GPC6: variants seen among roughly 807,000 people sequenced by gnomAD.
The protein encoded by GPC6 is glypican 6.
A neutral mutation model predicts 55.2 loss-of-function variants in GPC6; 14 were observed. That is an observed-to-expected ratio of 0.25 (90% CI 0.17 to 0.40). The LOEUF is 0.40. Ranked by LOEUF, GPC6 falls within the 10% of genes least tolerant of loss-of-function variation. GPC6 has a pLI of 1.00. For missense variants in GPC6, 641 were observed against 708.5 expected, an observed-to-expected ratio of 0.90 and a Z score of 1.08; for synonymous variants, 278 against 259.6, an observed-to-expected ratio of 1.07 and a Z score of -0.68.
intron 4 of GPC6, among the ~76,000 whole-genome samples, chr13:94,244,875 TTTTA>T (rs1272994144): frequency 2.6e-5 from 4 of 152,098 alleles, no homozygotes; most frequent in Non-Finnish European, 5.9e-5. Context: ...CAAGTCATAT[TTTTA>T]TTTATTTATT....
At chr13:93,276,485 AGAGAGAGAGAGT>A (rs1405163979) in intron 1 of GPC6, among the ~76,000 whole-genome samples, 22 of 135,108 alleles carry the variant, frequency 1.6e-4, no homozygotes, top group East Asian at 1.3e-3. Flanking sequence ...AGAGAGAGAG[AGAGAGAGAGAGT>A]GTGTGTGTGT....
At chr13:94,095,358 G>A (rs188571522) in intron 4 of GPC6, among the ~76,000 whole-genome samples, 25 of 152,178 alleles carry the variant, frequency 1.6e-4, no homozygotes, top group Admixed American at 1.5e-3. Context: ...AAGCAGTAAT[G>A]CAAATCACAG....
At chr13:93,786,291 C>T (rs1290369496) in intron 2 of GPC6, among the ~76,000 whole-genome samples, 1 of 152,060 alleles carries the variant, frequency 6.6e-6, no homozygotes, top group Non-Finnish European at 1.5e-5. Context: ...TCAGGATATT[C>T]CCAGGAAGCA....
At chr13:93,979,284 TGTGTG>T (rs1566631895) in intron 3 of GPC6, among the ~76,000 whole-genome samples, 3 of 54,782 alleles carry the variant, frequency 5.5e-5, no homozygotes, top group African/African-American at 1.8e-4. Flanking sequence ...ACTTCTTTTG[TGTGTG>T]TGTGTGTGTG....
intron 3 of GPC6, among the ~76,000 whole-genome samples, chr13:93,846,503 G>A (rs992788095): frequency 2.0e-5 from 3 of 152,140 alleles, no homozygotes; most frequent in Non-Finnish European, 4.4e-5. Flanking sequence ...AATATGATGT[G>A]AGCCACATAT....
intron 4 of GPC6, among the ~76,000 whole-genome samples, chr13:94,261,888 G>A (rs373499167): frequency 3.9e-5 from 6 of 152,334 alleles, no homozygotes; most frequent in Non-Finnish European, 5.9e-5. Context: ...CCTGGATGTA[G>A]GCTGTTCTTT....
chr13:93,614,519 T>G (rs7318967), intron 2 of GPC6, among the ~76,000 whole-genome samples: 5,546 of 152,204 alleles, frequency 0.036, 344 homozygotes, highest in African/African-American at 0.13. Flanking sequence ...CGGTGACGAT[T>G]AAATGAAGTG....
upstream of GPC6, among the ~76,000 whole-genome samples, chr13:93,224,501 C>T (rs1242343425): frequency 6.6e-6 from 1 of 152,170 alleles, no homozygotes; most frequent in African/African-American, 2.4e-5. Flanking sequence ...GCCTCGTTTG[C>T]TTCCTCTTGT....
chr13:93,505,445 A>G (rs1880676962), intron 1 of GPC6, among the ~76,000 whole-genome samples: 1 of 152,170 alleles, frequency 6.6e-6, no homozygotes, highest in Non-Finnish European at 1.5e-5. Flanking sequence ...ACACACACAC[A>G]CACACAGAGA....
intron 4 of GPC6, among the ~76,000 whole-genome samples, chr13:94,114,525 G>A (rs768179455): frequency 1.3e-5 from 2 of 152,094 alleles, no homozygotes; most frequent in Non-Finnish European, 2.9e-5. Context: ...TGATCTATTA[G>A]GCTGGGAAGT....
At chr13:93,291,500 A>G (rs1878318951) in intron 1 of GPC6, among the ~76,000 whole-genome samples, 2 of 152,120 alleles carry the variant, frequency 1.3e-5, no homozygotes, top group Admixed American at 1.3e-4. Flanking sequence ...CCTCTTCGTT[A>G]TGTATTTCTT....
intron 1 of GPC6, among the ~76,000 whole-genome samples, chr13:93,326,909 A>AAT (rs1879678030): frequency 6.6e-6 from 1 of 152,146 alleles, no homozygotes; most frequent in South Asian, 2.1e-4. Context: ...TTGTGGAATA[A>AAT]ATATATATAA....
At chr13:93,279,884 T>G (rs1005017903) in intron 1 of GPC6, among the ~76,000 whole-genome samples, 1 of 152,234 alleles carries the variant, frequency 6.6e-6, no homozygotes, top group Non-Finnish European at 1.5e-5. Flanking sequence ...TGTCATAGTA[T>G]CTTAAATGAA....
intron 3 of GPC6, among the ~76,000 whole-genome samples, chr13:93,936,542 A>T (rs1878443501): frequency 6.6e-6 from 1 of 152,212 alleles, no homozygotes; most frequent in African/African-American, 2.4e-5. Flanking sequence ...AAGGTTGCTT[A>T]TTACTGAGCA....
intron 4 of GPC6, among the ~76,000 whole-genome samples, chr13:94,040,771 G>A (rs1300659033): frequency 2.0e-5 from 3 of 151,808 alleles, no homozygotes; most frequent in Non-Finnish European, 4.4e-5. Flanking sequence ...TCACATAGGA[G>A]TCTTGGGTTT....
At chr13:93,538,448 A>G (rs966794186) in intron 1 of GPC6, among the ~76,000 whole-genome samples, 2 of 152,124 alleles carry the variant, frequency 1.3e-5, no homozygotes, top group Non-Finnish European at 2.9e-5. Context: ...GAATAGAGAG[A>G]TAAGTATGGA....
At chr13:93,941,416 A>G (rs1207921604) in intron 3 of GPC6, among the ~76,000 whole-genome samples, 1 of 152,218 alleles carries the variant, frequency 6.6e-6, no homozygotes, top group Non-Finnish European at 1.5e-5. Context: ...CAGATCCACT[A>G]GCCCACCATA....
intron 4 of GPC6, among the ~76,000 whole-genome samples, chr13:94,055,546 T>C (rs999869865): frequency 3.3e-5 from 5 of 152,194 alleles, no homozygotes; most frequent in African/African-American, 1.2e-4. Flanking sequence ...TTGAAAAGAA[T>C]AGTTTATAGT....
At chr13:93,987,023 G>A (rs1027294437) in intron 3 of GPC6, among the ~76,000 whole-genome samples, 2 of 152,022 alleles carry the variant, frequency 1.3e-5, no homozygotes, top group Non-Finnish European at 2.9e-5. Flanking sequence ...TGTCTAGAAT[G>A]CATGATGACA....
Sources: gnomAD v4.1 joint callset for allele counts (sites outside exome capture counted in the v4.1 genomes callset) on GRCh38, gnomAD v4.1.1 for gene constraint, MANE v1.5 for transcripts, NCBI Gene and HGNC (gene_info 2026-07-23, HGNC 2026-07-21) for gene names.